Variants in RABL6 observed in about 807,000 individuals in gnomAD.
RABL6 encodes rab-like protein 6.
Under a neutral mutation model 72.9 loss-of-function variants are expected in RABL6, and 28 were observed. The observed-to-expected ratio is 0.38, with a 90% CI of 0.28 to 0.53. The LOEUF is 0.53. Ranked by LOEUF, RABL6 falls within the 20% of genes least tolerant of loss-of-function variation. The pLI, the probability that RABL6 is intolerant of heterozygous loss-of-function variation, is 0.80. For missense variants in RABL6, 1,029 were observed against 1,008.4 expected (o/e 1.02, Z -0.28); for synonymous variants, 477 against 421.2 (o/e 1.13, Z -1.62).
At chr9:136,808,389 G>T in intron 1 of RABL6, 63 bp downstream of exon 1, 4 of 1,385,900 alleles carry the variant, frequency 2.9e-6, no homozygotes, top group Non-Finnish European at 3.7e-6. Context: ...CAGGCCCCGG[G>T]CGCCGCGCGG....
chr9:136,838,032 G>A lies in RABL6; in HGVS notation c.1280+17G>A. ...CAGCGACAGGTGAGGGGTGGGCCTG[G>A]GCCTCCTCTCCCATTGCCCCCCAGC... On this transcript the variant is annotated intron_variant, in intron 10 of 14. Coordinates refer to ENST00000311502, the MANE Select transcript of RABL6 (RefSeq NM_024718.5). The A allele has an allele frequency of 6.4e-7, 1 of 1,552,490 alleles. No individual in the cohort carries two copies. The highest frequency in any genetic ancestry group is 8.7e-7 in the Non-Finnish European group (1 of 1,148,150).
At chr9:136,838,308 C>T (rs1187022467) in intron 10 of RABL6, among the ~76,000 whole-genome samples, 18 of 152,192 alleles carry the variant, frequency 1.2e-4, no homozygotes, top group Admixed American at 1.1e-3. Flanking sequence ...GAGGCCACTG[C>T]AGGTCATATG....
chr9:136,840,732 A>G lies in RABL6; in HGVS notation c.*210A>G, dbSNP rs757127414. ...GTGTGAGCCTGCTCTGCAAGAAGGG[A>G]GGGGACAGCTGGCTTCAGCCAGGCT... On this transcript the variant is annotated 3_prime_UTR_variant, in exon 15 of 15. Coordinates refer to ENST00000311502, the MANE Select transcript of RABL6 (RefSeq NM_024718.5). 7.1e-6 allele frequency: 11 copies of G among 1,548,334 alleles called. No individual in the cohort carries two copies. The South Asian group carries it at 1.1e-4, about 15-fold the overall frequency.
intron 1 of RABL6, among the ~76,000 whole-genome samples, chr9:136,823,175 A>G (rs1157209196): frequency 2.0e-5 from 3 of 151,082 alleles, no homozygotes; most frequent in African/African-American, 7.3e-5. Flanking sequence ...AGAGCTCCTC[A>G]GGTGGTGGGC....
intron 2 of RABL6, among the ~76,000 whole-genome samples, chr9:136,823,931 G>T (rs1178135066): frequency 6.6e-6 from 1 of 152,236 alleles, no homozygotes; most frequent in Non-Finnish European, 1.5e-5. Context: ...GGGCGCCTCG[G>T]GGGCTGAAAA....
At chr9:136,818,615 C>G (rs1020851006) in intron 1 of RABL6, among the ~76,000 whole-genome samples, 10 of 151,630 alleles carry the variant, frequency 6.6e-5, no homozygotes, top group African/African-American at 2.2e-4. Flanking sequence ...CATGGTGGTG[C>G]GTACCTGTAG....
intron 1 of RABL6, chr9:136,812,811 G>A: frequency 2.7e-6 from 1 of 368,144 alleles, no homozygotes; most frequent in Non-Finnish European, 5.4e-6. Context: ...TTTCCTTGTG[G>A]CTTGTGGTCA....
intron 1 of RABL6, among the ~76,000 whole-genome samples, chr9:136,815,723 G>C (rs1848106413): frequency 6.6e-6 from 1 of 152,198 alleles, no homozygotes; most frequent in Admixed American, 6.5e-5. Flanking sequence ...ATGCATCTGA[G>C]ATAAATCATA....
intron 8 of RABL6, 153 bp from the exon 9 acceptor site, chr9:136,837,193 A>G: frequency 1.1e-6 from 1 of 890,488 alleles, no homozygotes; most frequent in South Asian, 1.4e-5. Flanking sequence ...TGCCCTTGGA[A>G]GTGGATGGGG....
Position 136,839,336 on chromosome 9 carries a change from C to G in RABL6, c.1608C>G (p.Thr536=). Residue 536 remains threonine (T), a synonymous_variant, in exon 12 of 15, where the codon ACC becomes ACG. Coordinates refer to ENST00000311502, the MANE Select transcript of RABL6 (RefSeq NM_024718.5). ...VRTGPEKRSS[T]RPPAEMEPGK... ...CAGGTCCGGAGAAGCGCAGCAGCAC[C>G]AGGCCCCCTGCTGAGATGGAGCCGG... 2 of 1,612,640 alleles carry G rather than the reference C, an allele frequency of 1.2e-6. No homozygotes were observed. Among genetic ancestry groups the G allele is most frequent in the South Asian group, 2.2e-5 (2 of 91,040 alleles).
intron 1 of RABL6, among the ~76,000 whole-genome samples, chr9:136,820,653 G>C (rs1339593227): frequency 6.6e-6 from 1 of 152,130 alleles, no homozygotes; most frequent in African/African-American, 2.4e-5. Context: ...TTAGAGGCGT[G>C]AGCCACCGTG....
At chr9:136,837,013 A>C in intron 8 of RABL6, 2 of 417,952 alleles carry the variant, frequency 4.8e-6, no homozygotes, top group Admixed American at 3.5e-5. Context: ...AGCTGGGGCT[A>C]CAGGCACCCG....
rs762850705 is a variant in RABL6 at position 136,831,674 on chromosome 9, G to T, written c.459-47G>T. ...ACAGCACCTTTCCAGGGAGGGACAGGGCGTCGCAGGGCTGAAACTAAGCCA... is the reference window on the plus strand; with the variant it reads ...ACAGCACCTTTCCAGGGAGGGACAGTGCGTCGCAGGGCTGAAACTAAGCCA... On this transcript the variant is annotated intron_variant, in intron 5 of 14. Transcript: ENST00000311502. 11 of 1,607,022 alleles carry T rather than the reference G, an allele frequency of 6.8e-6. No homozygotes were observed. The East Asian group carries it at 2.5e-4, about 36-fold the overall frequency.
At chr9:136,835,942 G>T in intron 8 of RABL6, 97 bp downstream of exon 8, 1 of 1,199,502 alleles carries the variant, frequency 8.3e-7, no homozygotes, top group Non-Finnish European at 1.2e-6. Context: ...GCAGAGGGGA[G>T]TGTCCCCTGT....
intron 1 of RABL6, chr9:136,815,074 G>A (rs1195163034): frequency 4.7e-6 from 1 of 212,288 alleles, no homozygotes; most frequent in Non-Finnish European, 9.6e-6. Flanking sequence ...CGTCCTCATC[G>A]TCCTCGTCCT....
chr9:136,838,316 A>G (rs1173200361), intron 10 of RABL6, among the ~76,000 whole-genome samples: 3 of 152,178 alleles, frequency 2.0e-5, no homozygotes, highest in Non-Finnish European at 2.9e-5. Flanking sequence ...TGCAGGTCAT[A>G]TGGGAGGTTC....
At chr9:136,810,254 G>C (rs1407247067) in intron 1 of RABL6, among the ~76,000 whole-genome samples, 1 of 152,106 alleles carries the variant, frequency 6.6e-6, no homozygotes, top group East Asian at 1.9e-4. Flanking sequence ...GAGGGTCCTG[G>C]GCAAGGTCCA....
Position 136,807,975 on chromosome 9 carries a change from G to T in RABL6, c.-222G>T, listed in dbSNP as rs1258436508. The T allele has an allele frequency of 2.0e-6, 2 of 1,004,774 alleles. No individual in the cohort carries two copies. Among genetic ancestry groups the T allele is most frequent in the African/African-American group, 1.7e-5 (1 of 57,256 alleles). The allele number at this position is 1,004,774 out of a possible 1,614,324, so 62.2% of individuals were successfully genotyped here. On this transcript the variant is annotated 5_prime_UTR_variant, in exon 1 of 15. Coordinates refer to ENST00000311502, the MANE Select transcript of RABL6 (RefSeq NM_024718.5). ...ATGGCGGCGCTGACTCCTGGAGAGC[G>T]GTCGCGCCGGAGGCCGCGGGGGCCG... is the stretch of plus-strand genomic sequence containing the variant.
chr9:136,808,302 T>A lies in RABL6; in HGVS notation c.106T>A (p.Phe36Ile). 6.4e-7 allele frequency: 1 copy of A among 1,559,452 alleles called. No individual in the cohort carries two copies. The highest frequency in any genetic ancestry group is 1.2e-5 in the South Asian group (1 of 86,182). ...QSMNQALQRRFAKGVQYNMKI... is the reference protein window; with the variant it reads ...QSMNQALQRRIAKGVQYNMKI... ...CATGAACCAGGCGTTGCAGAGGCGCTTCGCCAAGGGGGTGCAGTACAACAG... is the reference window on the plus strand; with the variant it reads ...CATGAACCAGGCGTTGCAGAGGCGCATCGCCAAGGGGGTGCAGTACAACAG... The change falls in exon 1 of 15, where the codon TTC becomes ATC. Residue 36 changes from phenylalanine to isoleucine, a missense_variant. By Grantham distance (21) the Phe-to-Ile change is conservative. Coordinates refer to ENST00000311502, the MANE Select transcript of RABL6 (RefSeq NM_024718.5).
Sources: gnomAD v4.1 joint callset for allele counts (sites outside exome capture counted in the v4.1 genomes callset) on GRCh38, gnomAD v4.1.1 for gene constraint, MANE v1.5 for transcripts, NCBI Gene and HGNC (gene_info 2026-07-23, HGNC 2026-07-21) for gene names.